Variants in RHCE observed in about 807,000 individuals in gnomAD.
RHCE encodes the protein Rh blood group CcEe antigens, also known as blood group Rh(CE) polypeptide.
In RHCE, 22 loss-of-function variants were observed where a neutral mutation model predicts 43.8. That is an observed-to-expected ratio of 0.50 (90% CI 0.36 to 0.72). The LOEUF (loss-of-function observed/expected upper bound fraction) is 0.72, where lower values mean the gene tolerates loss of function less well. Ranked by LOEUF, RHCE falls within the 30% of genes least tolerant of loss-of-function variation. The pLI, the probability that RHCE is intolerant of heterozygous loss-of-function variation, is 0.00. For synonymous variants in RHCE, 156 were observed against 210.7 expected (o/e 0.74, Z 2.25); for missense variants, 385 against 525.4 (o/e 0.73, Z 2.61).
intron 1 of RHCE, among the ~76,000 whole-genome samples, chr1:25,415,565 T>C (rs1647338142): frequency 1.3e-5 from 2 of 152,132 alleles, no homozygotes; most frequent in South Asian, 2.1e-4. Flanking sequence ...GGCAGGAGAA[T>C]TACTTGAACC....
intron 1 of RHCE, among the ~76,000 whole-genome samples, chr1:25,417,128 A>G (rs623807): frequency 1.6e-5 from 2 of 122,338 alleles, no homozygotes; most frequent in African/African-American, 7.6e-5. Flanking sequence ...TCTAACAGAT[A>G]GAGCCTTAAA....
chr1:25,426,089 C>T (rs552667294), intron 2 of RHCE, among the ~76,000 whole-genome samples: 3 of 152,292 alleles, frequency 2.0e-5, no homozygotes, highest in African/African-American at 7.2e-5. Context: ...TGTGAAGATT[C>T]AACGAGGCAG....
chr1:25,423,905 TTCTC>T (rs1335232047), upstream of RHCE, among the ~76,000 whole-genome samples: 3 of 152,240 alleles, frequency 2.0e-5, no homozygotes, highest in Non-Finnish European at 4.4e-5. Flanking sequence ...GCACCTGCTG[TTCTC>T]TCTGTCTGAA....
intron 2 of RHCE, among the ~76,000 whole-genome samples, chr1:25,406,775 G>A (rs1557634904): frequency 8.6e-6 from 1 of 116,386 alleles, no homozygotes; most frequent in African/African-American, 2.6e-5. Flanking sequence ...ACAGGCGCCC[G>A]CCACCACGCC....
In RHCE at chr1:25,372,348, T is replaced by C. The variant is rs569203148; in HGVS notation, c.1154-1808A>G. The stretch of plus-strand genomic sequence containing the variant: ...CAGCATGACCAACATGGAGAAACCC[T>C]GTCTCTACTAAAAATACAAAATTAG... On this transcript the variant is annotated intron_variant, in intron 8 of 9. Coordinates refer to ENST00000294413, the MANE Select transcript of RHCE (RefSeq NM_020485.8). 6.6e-3 allele frequency among the ~76,000 whole-genome samples: 1,008 copies of C among 151,580 alleles called. 21 individuals carry two copies. The highest frequency in any genetic ancestry group is 9.6e-3 in the Non-Finnish European group (655 of 67,972).
At position 25,383,093 on chromosome 1, in the gene RHCE, C is replaced by G. The variant is rs3118461; in HGVS notation, c.1073+2618G>C. On this transcript the variant is annotated intron_variant, in intron 7 of 9. Transcript: ENST00000294413. ...GCTAGAAGGGTGCAGAGATTCTCAG[C>G]CCAAGTGGGGACTTTCTTTTCTCCC... Among the ~76,000 whole-genome samples, 305 of 152,244 alleles carry G rather than the reference C, an allele frequency of 2.0e-3. 1 individual carries two copies. The highest frequency in any genetic ancestry group is 7.0e-3 in the African/African-American group (290 of 41,538).
chr1:25,422,131 T>C (rs28435457), upstream of RHCE, among the ~76,000 whole-genome samples: 11,008 of 152,212 alleles, frequency 0.072, 1,253 homozygotes, highest in African/African-American at 0.25. Context: ...TAAGGTCATC[T>C]AGTCACTTGG....
intron 7 of RHCE, among the ~76,000 whole-genome samples, chr1:25,381,457 CTTT>C (rs757669054): frequency 6.0e-5 from 8 of 134,266 alleles, no homozygotes; most frequent in Non-Finnish European, 4.8e-5. Context: ...TTTTCTTTTT[CTTT>C]TTTTTTTTTT....
At chr1:25,416,704 G>A (rs1571923360) in intron 1 of RHCE, among the ~76,000 whole-genome samples, 2 of 150,956 alleles carry the variant, frequency 1.3e-5, no homozygotes, top group East Asian at 3.9e-4. Flanking sequence ...GCAGCCTCAA[G>A]CTCCCAGGCT....
At chr1:25,383,338 C>G (rs1646056223) in intron 7 of RHCE, among the ~76,000 whole-genome samples, 1 of 152,140 alleles carries the variant, frequency 6.6e-6, no homozygotes, top group African/African-American at 2.4e-5. Flanking sequence ...CTGACTTGCC[C>G]AATGCCACCA....
At chr1:25,424,673 C>T (rs149654707), upstream of RHCE, among the ~76,000 whole-genome samples, 511 of 152,116 alleles carry the variant, frequency 3.4e-3, 2 homozygotes, top group Middle Eastern at 0.02. Flanking sequence ...TAAGTGTGAG[C>T]CACTGTGCCT....
intron 3 of RHCE, 32 bp downstream of exon 3, chr1:25,402,564 C>T (rs369990279): frequency 4.3e-6 from 7 of 1,613,864 alleles, no homozygotes; most frequent in Non-Finnish European, 5.9e-6. Context: ...GCCCTTTTCT[C>T]CCAGGTCCCT....
intron 2 of RHCE, among the ~76,000 whole-genome samples, chr1:25,405,918 G>C (rs375839004): frequency 3.3e-5 from 4 of 122,710 alleles, no homozygotes; most frequent in African/African-American, 1.0e-4. Flanking sequence ...CAGCCCTGAC[G>C]GGAACCGGTC....
upstream of RHCE, among the ~76,000 whole-genome samples, chr1:25,422,088 G>C (rs551788258): frequency 6.6e-6 from 1 of 152,146 alleles, no homozygotes; most frequent in Non-Finnish European, 1.5e-5. Context: ...TTTGTTTTTA[G>C]ACCAAGAAAC....
intron 7 of RHCE, among the ~76,000 whole-genome samples, chr1:25,379,985 A>G (rs1235198511): frequency 2.0e-5 from 3 of 151,562 alleles, no homozygotes; most frequent in Admixed American, 2.0e-4. Context: ...GACAACCCCC[A>G]AAGTCTTAAC....
intron 9 of RHCE, among the ~76,000 whole-genome samples, chr1:25,369,640 C>T (rs1462464253): frequency 6.6e-6 from 1 of 151,242 alleles, no homozygotes; most frequent in African/African-American, 2.5e-5. Context: ...TGACCTCAGA[C>T]TCCTGTACTA....
At chr1:25,388,942 C>G in intron 6 of RHCE, 34 bp downstream of exon 6, 1 of 1,614,256 alleles carries the variant, frequency 6.2e-7, no homozygotes, top group Non-Finnish European at 8.5e-7. Flanking sequence ...GGCCTTCAGC[C>G]AAAGCAGAGA....
Position 25,426,314 on chromosome 1 carries a change from T to C in RHCE, c.-40+2639A>G, listed in dbSNP as rs141287904. On this transcript the variant is annotated intron_variant, in intron 2 of 11. Transcript: ENST00000349320. ...ATTCCTGTCGATTTAGGCCTTGTTT[T>C]TCTCCCTACAAAAATGGGATTACAC... Among the ~76,000 whole-genome samples, 493 of 152,380 alleles carry C rather than the reference T, an allele frequency of 3.2e-3. 3 individuals are homozygous for C. The highest frequency in any genetic ancestry group is 0.01 in the African/African-American group (417 of 41,592).
chr1:25,401,052 G>C (rs145427122), intron 3 of RHCE, among the ~76,000 whole-genome samples: 1 of 152,268 alleles, frequency 6.6e-6, no homozygotes, highest in African/African-American at 2.4e-5. Context: ...GAACCCAGAA[G>C]CCAGAGTATC....
Sources: allele counts gnomAD v4.1 joint callset (sites outside exome capture counted in the v4.1 genomes callset), GRCh38; gene constraint gnomAD v4.1.1; transcripts MANE v1.5; gene names NCBI Gene and HGNC (gene_info 2026-07-23, HGNC 2026-07-21).